Variants in USP7 observed in about 807,000 individuals in gnomAD.
USP7 encodes the protein ubiquitin specific peptidase 7.
A neutral mutation model predicts 162.9 loss-of-function variants in USP7; 9 were observed. The ratio of observed to expected loss-of-function variants is 0.06; its 90% confidence interval spans 0.03 to 0.10. The LOEUF is 0.10. USP7 is among the 10% of genes least tolerant of loss of function. The pLI is 1.00. For synonymous variants in USP7, 562 were observed against 475.9 expected (o/e 1.18, Z -2.35); for missense variants, 715 against 1,373.7 (o/e 0.52, Z 7.58).
At chr16:8,904,148 G>A (rs1415806749) in intron 15 of USP7, among the ~76,000 whole-genome samples, 4 of 152,202 alleles carry the variant, frequency 2.6e-5, no homozygotes, top group Admixed American at 6.5e-5. Flanking sequence ...GCCCAGGGCA[G>A]CTCAAGGCAC....
chr16:8,902,265 G>C (rs1039127277), intron 17 of USP7, 78 bp from the exon 18 acceptor site: 3 of 1,581,730 alleles, frequency 1.9e-6, no homozygotes, highest in Non-Finnish European at 2.6e-6. Context: ...GTCAAGTATT[G>C]AAGAAAACGT....
intron 12 of USP7, among the ~76,000 whole-genome samples, chr16:8,906,961 A>T (rs1350193381): frequency 6.6e-6 from 1 of 152,250 alleles, no homozygotes; most frequent in East Asian, 1.9e-4. Flanking sequence ...GACATCCTGA[A>T]ATTGACTTAG....
At chr16:8,903,011 G>A (rs956690255) in intron 16 of USP7, among the ~76,000 whole-genome samples, 2 of 152,248 alleles carry the variant, frequency 1.3e-5, no homozygotes, top group African/African-American at 4.8e-5. Context: ...GGGGTGCAGG[G>A]AGTGGAGTGG....
intron 1 of USP7, among the ~76,000 whole-genome samples, chr16:8,948,936 C>G (rs1190659493): frequency 6.6e-6 from 1 of 152,052 alleles, no homozygotes; most frequent in East Asian, 1.9e-4. Flanking sequence ...GGCACTCCAG[C>G]CTGGGTGACA....
intron 2 of USP7, among the ~76,000 whole-genome samples, chr16:8,924,926 C>T (rs925652942): frequency 1.3e-5 from 2 of 152,160 alleles, no homozygotes; most frequent in Non-Finnish European, 2.9e-5. Context: ...GCATCTTGTC[C>T]AAAATAATTA....
At chr16:8,927,458 C>A (rs1483535761) in intron 2 of USP7, among the ~76,000 whole-genome samples, 2 of 152,172 alleles carry the variant, frequency 1.3e-5, no homozygotes, top group Non-Finnish European at 2.9e-5. Flanking sequence ...AATACAACTT[C>A]TTGCAAGTCC....
intron 1 of USP7, among the ~76,000 whole-genome samples, chr16:8,959,589 G>A (rs1250339552): frequency 6.6e-6 from 1 of 152,108 alleles, no homozygotes; most frequent in Non-Finnish European, 1.5e-5. Flanking sequence ...TTGTAACTTT[G>A]CAAAGAATTA....
intron 13 of USP7, among the ~76,000 whole-genome samples, chr16:8,906,012 C>T (rs1447747747): frequency 6.6e-6 from 1 of 152,168 alleles, no homozygotes; most frequent in African/African-American, 2.4e-5. Context: ...GCGCCCTCTA[C>T]ACTCCCAAGA....
At chr16:8,935,139 C>T (rs958790611) in intron 1 of USP7, among the ~76,000 whole-genome samples, 8 of 151,924 alleles carry the variant, frequency 5.3e-5, no homozygotes, top group African/African-American at 1.9e-4. Context: ...TTATATGCCA[C>T]CTTTTCGGAA....
At chr16:8,904,628 G>T (rs878989275) in intron 14 of USP7, 63 bp from the exon 15 acceptor site, 47 of 1,582,974 alleles carry the variant, frequency 3.0e-5, no homozygotes, top group Non-Finnish European at 3.8e-5. Context: ...AGAAGCTCCC[G>T]ATTCTAGGTC....
Position 8,892,747 on chromosome 16 carries a change from C to G in USP7, c.*1251G>C, listed in dbSNP as rs1403288459. The G allele has an allele frequency of 1.3e-5, 2 of 152,106 alleles. No homozygotes were observed. Among genetic ancestry groups the G allele is most frequent in the Non-Finnish European group, 2.9e-5 (2 of 68,012 alleles). The allele number at this position is 152,106 out of a possible 1,614,324, so 9.4% of individuals were successfully genotyped here. On this transcript the variant is annotated 3_prime_UTR_variant, in exon 31 of 31. Coordinates refer to ENST00000344836, the MANE Select transcript of USP7 (RefSeq NM_003470.3). The stretch of plus-strand genomic sequence containing the variant: ...GTTTCCAGGGAGAGTAGAAATCTTC[C>G]TCCACTTCCACGTAACTCACTGAAT...
chr16:8,918,117 T>C (rs915152473), intron 6 of USP7, among the ~76,000 whole-genome samples: 1 of 152,134 alleles, frequency 6.6e-6, no homozygotes, highest in Non-Finnish European at 1.5e-5. Context: ...AACTTACCAT[T>C]ACTTGTGAAA....
intron 1 of USP7, among the ~76,000 whole-genome samples, chr16:8,940,523 A>G (rs956922782): frequency 2.6e-5 from 4 of 152,206 alleles, no homozygotes; most frequent in African/African-American, 9.6e-5. Context: ...CAGGCAACCC[A>G]GGGCGGGAGG....
chr16:8,938,566 G>C (rs2141246045), intron 1 of USP7, among the ~76,000 whole-genome samples: 2 of 152,140 alleles, frequency 1.3e-5, no homozygotes, highest in Middle Eastern at 3.4e-3. Flanking sequence ...CAAAAACTTA[G>C]CTGGGCACGG....
In USP7 at chr16:8,902,069, C is replaced by T. The variant is rs755314328; in HGVS notation, c.2047+13G>A. 2.5e-6 allele frequency: 4 copies of T among 1,610,250 alleles called. No individual in the cohort carries two copies. Among genetic ancestry groups the T allele is most frequent in the South Asian group, 1.1e-5 (1 of 90,986 alleles). ...CTGCTCTAAGTGCAGGCAGGCGTCT[C>T]GTGGGCACTTACGATCTTTATCAAA... On this transcript the variant is annotated intron_variant, in intron 18 of 30. Transcript: ENST00000344836.
chr16:8,918,710 G>A (rs1897513989), intron 6 of USP7, among the ~76,000 whole-genome samples: 1 of 152,320 alleles, frequency 6.6e-6, no homozygotes, highest in South Asian at 2.1e-4. Flanking sequence ...TCAGGAGGCT[G>A]AGGCCAGAGA....
intron 25 of USP7, among the ~76,000 whole-genome samples, 176 bp downstream of exon 25, chr16:8,898,184 T>C (rs1438675184): frequency 6.6e-6 from 1 of 152,100 alleles, no homozygotes; most frequent in African/African-American, 2.4e-5. Context: ...CCCAGAGGCC[T>C]CAGGAGGTCC....
At chr16:8,900,141 C>T in intron 21 of USP7, 1 of 360,278 alleles carries the variant, frequency 2.8e-6, no homozygotes, top group East Asian at 6.7e-5. Flanking sequence ...TGCCATCGAG[C>T]CACTTTCAGA....
chr16:8,962,517 G>C (rs745417051), intron 1 of USP7: 18 of 450,044 alleles, frequency 4.0e-5, no homozygotes, highest in Non-Finnish European at 6.3e-5. Context: ...AGCCATGTGC[G>C]GCAGGGCTTT....
Sources: gnomAD v4.1 joint callset for allele counts (sites outside exome capture counted in the v4.1 genomes callset) on GRCh38, gnomAD v4.1.1 for gene constraint, MANE v1.5 for transcripts, NCBI Gene and HGNC (gene_info 2026-07-23, HGNC 2026-07-21) for gene names.